KDM4C: variants seen among roughly 807,000 people sequenced by gnomAD.
The protein encoded by KDM4C is lysine demethylase 4C.
A neutral mutation model predicts 129.3 loss-of-function variants in KDM4C; 81 were observed. The observed-to-expected ratio is 0.63, with a 90% CI of 0.52 to 0.75. KDM4C has a LOEUF of 0.75. KDM4C is among the 30% of genes least tolerant of loss of function. KDM4C has a pLI of 0.00. For missense variants in KDM4C, 1,457 were observed against 1,304.0 expected (o/e 1.12, Z -1.81); for synonymous variants, 573 against 456.1 (o/e 1.26, Z -3.26).
At chr9:7,032,503 A>C (rs1191451719) in intron 15 of KDM4C, among the ~76,000 whole-genome samples, 1 of 152,242 alleles carries the variant, frequency 6.6e-6, no homozygotes, top group African/African-American at 2.4e-5. Context: ...ATGTGTTCAG[A>C]ATAACTATGG....
chr9:7,133,497 G>T (rs1840863391), intron 19 of KDM4C, among the ~76,000 whole-genome samples: 2 of 152,170 alleles, frequency 1.3e-5, no homozygotes, highest in African/African-American at 4.8e-5. Context: ...AACAAACCCT[G>T]CTCCAGAGTA....
chr9:6,745,921 C>T (rs897443875), intron 1 of KDM4C, among the ~76,000 whole-genome samples: 2 of 151,428 alleles, frequency 1.3e-5, no homozygotes, highest in East Asian at 2.0e-4. Flanking sequence ...GTGATTCTCC[C>T]GCCTCAGCCT....
intron 17 of KDM4C, among the ~76,000 whole-genome samples, chr9:7,075,682 T>A (rs1369014783): frequency 6.6e-6 from 1 of 152,130 alleles, no homozygotes; most frequent in Admixed American, 6.5e-5. Flanking sequence ...CAAATAAACC[T>A]CTTTTCTTTA....
Position 6,876,103 on chromosome 9 carries a change from T to C in KDM4C, c.630-3909T>C, listed in dbSNP as rs140539389. Among the ~76,000 whole-genome samples, 24 of 152,320 alleles carry C rather than the reference T, an allele frequency of 1.6e-4. No homozygotes were observed. The East Asian group carries it at 3.3e-3, about 21-fold the overall frequency. On this transcript the variant is annotated intron_variant, in intron 5 of 21. Coordinates refer to ENST00000381309, the MANE Select transcript of KDM4C (RefSeq NM_015061.6). Reference sequence around the variant, plus strand: ...TGCTTTCCTGGGTTCTTTCAAATTGTAATCAGCCTTTTATGTGCCTGTCTG... The same window carrying C: ...TGCTTTCCTGGGTTCTTTCAAATTGCAATCAGCCTTTTATGTGCCTGTCTG...
chr9:7,043,990 A>G (rs183341697), intron 15 of KDM4C, among the ~76,000 whole-genome samples: 86 of 151,744 alleles, frequency 5.7e-4, no homozygotes, highest in African/African-American at 1.7e-3. Flanking sequence ...TATACTCTCT[A>G]TTGGATATCA....
At chr9:7,101,505 A>G (rs1239067458) in intron 17 of KDM4C, among the ~76,000 whole-genome samples, 2 of 152,236 alleles carry the variant, frequency 1.3e-5, no homozygotes, top group Non-Finnish European at 2.9e-5. Context: ...CTGAATAAAC[A>G]TCTTGCAAAG....
chr9:6,759,077 T>A (rs1463809148), intron 1 of KDM4C, among the ~76,000 whole-genome samples: 1 of 152,178 alleles, frequency 6.6e-6, no homozygotes, highest in Non-Finnish European at 1.5e-5. Context: ...TCAGGTTCCT[T>A]CTTCCGGAAG....
chr9:6,830,202 A>T (rs953240830), intron 4 of KDM4C, among the ~76,000 whole-genome samples: 1 of 152,250 alleles, frequency 6.6e-6, no homozygotes, highest in Non-Finnish European at 1.5e-5. Context: ...AAATGTTTGT[A>T]ACACAGTGGT....
At chr9:6,834,592 C>T (rs1459355918) in intron 4 of KDM4C, 8 of 738,560 alleles carry the variant, frequency 1.1e-5, no homozygotes, top group African/African-American at 1.7e-5. Flanking sequence ...TGATGGTGGG[C>T]ATGGGTCGGA....
intron 8 of KDM4C, among the ~76,000 whole-genome samples, chr9:6,968,428 T>C (rs1376882904): frequency 2.6e-5 from 4 of 152,244 alleles, no homozygotes; most frequent in Admixed American, 1.3e-4. Context: ...CAGTTTTTTA[T>C]GCAGCCTCTG....
chr9:7,126,027 C>G (rs1450861062), intron 18 of KDM4C, among the ~76,000 whole-genome samples: 4 of 152,172 alleles, frequency 2.6e-5, no homozygotes, highest in Non-Finnish European at 5.9e-5. Flanking sequence ...AAAATCAAAA[C>G]AAACAACCCA....
Position 6,758,021 on chromosome 9 carries a change from C to A in KDM4C, c.-200C>A, listed in dbSNP as rs975960092. 20 of 985,336 alleles carry A rather than the reference C, an allele frequency of 2.0e-5. No individual in the cohort carries two copies. Among genetic ancestry groups the A allele is most frequent in the Admixed American group, 6.1e-5 (1 of 16,270 alleles). 61.0% of individuals were successfully genotyped at this position (985,336 alleles called of 1,614,324 possible). On this transcript the variant is annotated 5_prime_UTR_variant, in exon 1 of 22. Transcript: ENST00000381309. This position sits in a 1 kb window ranked among gnomAD's most constrained non-coding sequence, Gnocchi z 4.6. The stretch of plus-strand genomic sequence containing the variant: ...CGCCGCTGCCTCCCACCCACCCCCT[C>A]GACGGGAGGGTGAGGCGCGGCGCAG...
intron 8 of KDM4C, among the ~76,000 whole-genome samples, chr9:6,897,341 C>G (rs559189875): frequency 6.6e-6 from 1 of 152,268 alleles, no homozygotes; most frequent in Non-Finnish European, 1.5e-5. Context: ...GATAATGGCC[C>G]AGGCCTTACC....
At chr9:6,802,031 G>T (rs1829083545) in intron 2 of KDM4C, among the ~76,000 whole-genome samples, 1 of 151,928 alleles carries the variant, frequency 6.6e-6, no homozygotes, top group South Asian at 2.1e-4. Flanking sequence ...CTTGAACCCA[G>T]GAGGTGGAGG....
intron 5 of KDM4C, among the ~76,000 whole-genome samples, chr9:6,861,343 A>G (rs1277248044): frequency 6.6e-6 from 1 of 152,172 alleles, no homozygotes; most frequent in Admixed American, 6.6e-5. Flanking sequence ...TATGTCATAG[A>G]TATGTGCAGT....
chr9:6,993,848 A>G (rs2760660), intron 12 of KDM4C, among the ~76,000 whole-genome samples: 1 of 152,024 alleles, frequency 6.6e-6, no homozygotes, highest in Non-Finnish European at 1.5e-5. Context: ...GTACAGGTTA[A>G]ATGCTCAATT....
rs35945405 is a variant in KDM4C at position 6,771,080 on chromosome 9, CTTTTTT to C, written c.-18+12901_-18+12906del. 9.6e-3 allele frequency among the ~76,000 whole-genome samples: 545 copies of C among 56,960 alleles called. 9 individuals carry two copies. The highest frequency in any genetic ancestry group is 0.038 in the African/African-American group (504 of 13,234). The allele number at this position is 56,960 out of a possible 152,430, so 37.4% of individuals were successfully genotyped here. ...TGAGCCACTGCGCCCGACTGTGAAT[CTTTTTT>C]TTTTTTTTTTTTTTTTTTTTTTTAA... On this transcript the variant is annotated intron_variant, in intron 1 of 21. Transcript: ENST00000381309.
rs1434745163 is a variant in KDM4C at position 6,807,909 on chromosome 9, G to A, written c.320+2135G>A. ...AGGGAGGTGGGGGTGTCAGCCCCCA[G>A]CCCGGCCAGCCACCCCCTCCGGGAG... On this transcript the variant is annotated intron_variant, in intron 3 of 21. Coordinates refer to ENST00000381309, the MANE Select transcript of KDM4C (RefSeq NM_015061.6). 5.2e-5 allele frequency among the ~76,000 whole-genome samples: 7 copies of A among 134,120 alleles called. 1 individual carries two copies. Among genetic ancestry groups the A allele is most frequent in the Non-Finnish European group, 9.6e-5 (6 of 62,498 alleles). The allele number at this position is 134,120 out of a possible 152,430, so 88.0% of individuals were successfully genotyped here.
chr9:6,747,874 T>C (rs1331309851), intron 1 of KDM4C, among the ~76,000 whole-genome samples: 1 of 152,120 alleles, frequency 6.6e-6, no homozygotes, highest in Non-Finnish European at 1.5e-5. Flanking sequence ...CTGTGGAGGA[T>C]TTCTTTCTAG....
Sources: gnomAD v4.1 joint callset for allele counts (sites outside exome capture counted in the v4.1 genomes callset) on GRCh38, gnomAD v4.1.1 for gene constraint, Gnocchi (gnomAD v3.1) non-coding constraint, MANE v1.5 for transcripts, NCBI Gene and HGNC (gene_info 2026-07-23, HGNC 2026-07-21) for gene names.